The following TXNDC11 variants were observed in gnomAD, a reference collection of about 807,000 sequenced individuals.
TXNDC11 encodes the protein thioredoxin domain-containing protein 11.
TXNDC11 carries 68 observed loss-of-function variants against 78.0 expected under a neutral mutation model. The ratio of observed to expected loss-of-function variants is 0.87; its 90% CI spans 0.72 to 1.07. The LOEUF (loss-of-function observed/expected upper bound fraction) is 1.07, where lower values mean the gene tolerates loss of function less well. Ranked by LOEUF, TXNDC11 falls within the 50% of genes least tolerant of loss-of-function variation. The pLI, the probability that TXNDC11 is intolerant of heterozygous loss-of-function variation, is 0.00. For synonymous variants in TXNDC11, 571 were observed against 495.2 expected, an observed-to-expected ratio of 1.15 and a Z score of -2.03; for missense variants, 1,389 against 1,221.8, an observed-to-expected ratio of 1.14 and a Z score of -2.04.
rs895709673 is a variant in TXNDC11 at position 11,742,793 on chromosome 16, G to C, written c.-63C>G. 5 of 1,393,754 alleles carry C rather than the reference G, an allele frequency of 3.6e-6. No individual in the cohort carries two copies. The highest frequency in any genetic ancestry group is 6.0e-5 in the Admixed American group (2 of 33,370). The allele number at this position is 1,393,754 out of a possible 1,614,324, so 86.3% of individuals were successfully genotyped here. On this transcript the variant is annotated 5_prime_UTR_variant, in exon 1 of 12. Transcript: ENST00000283033. ...CGCCTCGGGCCCGAAGGCCCGGCCC[G>C]GCCCGTTGCTCCCCAATCCCGCAGC...
At chr16:11,700,634 C>G in intron 5 of TXNDC11, 70 bp from the exon 6 acceptor site, 1 of 781,322 alleles carries the variant, frequency 1.3e-6, no homozygotes, top group Non-Finnish European at 2.2e-6. Flanking sequence ...ACCCAGTGAT[C>G]AAGTCTTGAA....
chr16:11,684,379 T>C, intron 10 of TXNDC11, 134 bp from the exon 11 acceptor site: 3 of 622,862 alleles, frequency 4.8e-6, no homozygotes, highest in Non-Finnish European at 8.7e-6. Flanking sequence ...TCTCGATGAA[T>C]GTACTACCAG....
Position 11,687,973 on chromosome 16 carries a change from GA to G in TXNDC11, c.2044-8del. The G allele has an allele frequency of 6.3e-7, 1 of 1,596,990 alleles. No homozygotes were observed. Among genetic ancestry groups the G allele is most frequent in the Non-Finnish European group, 8.6e-7 (1 of 1,165,140 alleles). On this transcript the variant is annotated splice_polypyrimidine_tract_variant and splice_region_variant and intron_variant, in intron 9 of 11. Transcript: ENST00000283033. The stretch of plus-strand genomic sequence containing the variant: ...AATAGAGCAGGAGAACGTCCTGTGG[GA>G]AAGGGAAGACAGATGTTACTTGCAC...
rs376032170 is a variant in TXNDC11 at position 11,737,845 on chromosome 16, G to A, written c.255-1612C>T. Among the ~76,000 whole-genome samples, 238 of 123,276 alleles carry A rather than the reference G, an allele frequency of 1.9e-3. 1 individual carries two copies. Among genetic ancestry groups the A allele is most frequent in the African/African-American group, 6.9e-3 (222 of 32,074 alleles). 80.9% of individuals were successfully genotyped at this position (123,276 alleles called of 152,430 possible). ...AGCCTCGGCAACAGAGCGAGACTAC[G>A]TCTCTCAAAAAAAAAAAAAAAAAAA... On this transcript the variant is annotated intron_variant, in intron 1 of 11. Coordinates refer to ENST00000283033, the MANE Select transcript of TXNDC11 (RefSeq NM_015914.7).
intron 4 of TXNDC11, among the ~76,000 whole-genome samples, chr16:11,727,550 GT>G (rs573469140): frequency 1.7e-3 from 254 of 152,116 alleles, no homozygotes; most frequent in Non-Finnish European, 2.8e-3. Flanking sequence ...ACTGTATAGG[GT>G]TTTTTTGTTT....
At chr16:11,733,072 C>A (rs574247914) in intron 3 of TXNDC11, among the ~76,000 whole-genome samples, 2 of 152,142 alleles carry the variant, frequency 1.3e-5, no homozygotes, top group South Asian at 4.2e-4. Context: ...AGCCTGGCAA[C>A]ATGGTAAAAC....
At position 11,742,472 on chromosome 16, in the gene TXNDC11, C is replaced by T. The variant is rs925686020; in HGVS notation, c.254+5G>A. 7.0e-7 allele frequency: 1 copy of T among 1,429,930 alleles called. No individual in the cohort carries two copies. 88.6% of individuals were successfully genotyped at this position (1,429,930 alleles called of 1,614,324 possible). On this transcript the variant is annotated splice_donor_5th_base_variant and intron_variant, in intron 1 of 11. Transcript: ENST00000283033. ...AGCGGGGCCCCAGGGTCCGGGCCGC[C>T]TCACCTGCAGGTGAACTTGAGGGCG...
At chr16:11,733,243 C>G (rs2141116889) in intron 3 of TXNDC11, among the ~76,000 whole-genome samples, 1 of 149,308 alleles carries the variant, frequency 6.7e-6, no homozygotes, top group Non-Finnish European at 1.5e-5. Flanking sequence ...GCAACAAAAG[C>G]TAAACTCTGT....
intron 11 of TXNDC11, among the ~76,000 whole-genome samples, chr16:11,681,728 C>G (rs981623158): frequency 3.9e-5 from 6 of 152,208 alleles, no homozygotes; most frequent in African/African-American, 1.4e-4. Context: ...CAATGTCACA[C>G]AGAGTCTGAC....
At chr16:11,729,380 CT>C (rs2051977773) in intron 4 of TXNDC11, among the ~76,000 whole-genome samples, 1 of 152,318 alleles carries the variant, frequency 6.6e-6, no homozygotes, top group South Asian at 2.1e-4. Flanking sequence ...GGAATATTTA[CT>C]CTGATGCATA....
intron 5 of TXNDC11, among the ~76,000 whole-genome samples, chr16:11,716,465 T>G (rs2051529775): frequency 1.3e-5 from 2 of 152,220 alleles, no homozygotes; most frequent in South Asian, 2.1e-4. Flanking sequence ...AGGAACAGGC[T>G]TTGCAGTCCT....
rs966470836 is a variant in TXNDC11, at chr16:11,706,463, G to C, written c.794-5899C>G. ...TCACAGCACATCTCCCATGGGCATG[G>C]GCTGGGGAACCAGCACTATTATGCT... On this transcript the variant is annotated intron_variant, in intron 5 of 11. Coordinates refer to ENST00000283033, the MANE Select transcript of TXNDC11 (RefSeq NM_015914.7). Among the ~76,000 whole-genome samples the C allele has an allele frequency of 2.6e-5, 4 of 152,358 alleles. 1 individual carries two copies. The highest frequency in any genetic ancestry group is 6.5e-5 in the Admixed American group (1 of 15,304).
rs1252420989 is a variant in TXNDC11, at chr16:11,742,553, G to A, written c.178C>T (p.Arg60Cys). ...RGLRGAFLMA[R>C]QRPELLCGAV... ...CCGCAGAGCAGCTCCGGCCGCTGGC[G>A]CGCCATGAGGAAGGCGCCACGCAGC... is the stretch of plus-strand genomic sequence containing the variant. Residue 60 changes from arginine (R) to cysteine (C), a missense_variant, in exon 1 of 12, where the codon CGC (arginine) becomes TGC (cysteine). Physicochemically the swap from Arg to Cys is radical, Grantham distance 180. Coordinates refer to ENST00000283033, the MANE Select transcript of TXNDC11 (RefSeq NM_015914.7). The A allele has an allele frequency of 8.2e-6, 12 of 1,455,036 alleles. No individual in the cohort carries two copies. Among genetic ancestry groups the A allele is most frequent in the Non-Finnish European group, 1.1e-5 (12 of 1,110,668 alleles). 90.1% of individuals were successfully genotyped at this position (1,455,036 alleles called of 1,614,324 possible).
intron 10 of TXNDC11, among the ~76,000 whole-genome samples, chr16:11,687,126 C>T (rs1214050253): frequency 1.3e-5 from 2 of 152,148 alleles, no homozygotes; most frequent in African/African-American, 2.4e-5. Context: ...TTTCACTGCA[C>T]GTATTTCTAG....
intron 4 of TXNDC11, among the ~76,000 whole-genome samples, chr16:11,722,212 G>A (rs935254112): frequency 4.6e-5 from 7 of 151,988 alleles, no homozygotes; most frequent in East Asian, 1.9e-4. Context: ...CAGAACCCCC[G>A]CCAAAACCCA....
chr16:11,683,316 G>A (rs138963607), intron 11 of TXNDC11, among the ~76,000 whole-genome samples: 4 of 152,250 alleles, frequency 2.6e-5, no homozygotes, highest in Non-Finnish European at 5.9e-5. Context: ...AAAATCAAGC[G>A]ACCATCCCAT....
At chr16:11,688,269 G>T in intron 9 of TXNDC11, 34 bp downstream of exon 9, 2 of 1,604,010 alleles carry the variant, frequency 1.2e-6, no homozygotes, top group Non-Finnish European at 1.7e-6. Context: ...AAGAGGGACA[G>T]ATGGCTTAAC....
At chr16:11,725,451 A>G (rs2051847619) in intron 4 of TXNDC11, among the ~76,000 whole-genome samples, 1 of 152,230 alleles carries the variant, frequency 6.6e-6, no homozygotes, top group South Asian at 2.1e-4. Flanking sequence ...GACATTAAAT[A>G]AATATTTGAA....
chr16:11,679,154 G>C lies in TXNDC11; in HGVS notation c.*41C>G, dbSNP rs1482177253. 1 of 1,587,168 alleles carries C rather than the reference G, an allele frequency of 6.3e-7. No individual in the cohort carries two copies. Among genetic ancestry groups the C allele is most frequent in the African/African-American group, 1.4e-5 (1 of 73,648 alleles). ...AAATTTGCATAAATATATTCCCAAT[G>C]TACAATTTTCACCTCTGATTTCTTC... On this transcript the variant is annotated 3_prime_UTR_variant, in exon 12 of 12. Coordinates refer to ENST00000283033, the MANE Select transcript of TXNDC11 (RefSeq NM_015914.7). The surrounding 1 kb of genome is among the most constrained non-coding windows in gnomAD (Gnocchi z 4.6).
Sources: allele counts gnomAD v4.1 joint callset (sites outside exome capture counted in the v4.1 genomes callset), GRCh38; gene constraint gnomAD v4.1.1; non-coding constraint Gnocchi (gnomAD v3.1); transcripts MANE v1.5; gene names NCBI Gene and HGNC (gene_info 2026-07-23, HGNC 2026-07-21).